Variants in NCKAP5 observed in about 807,000 individuals in gnomAD.
NCKAP5 encodes the protein NCK associated protein 5.
In NCKAP5, 92 loss-of-function variants were observed where a neutral mutation model predicts 167.0. The ratio of observed to expected loss-of-function variants is 0.55; its 90% confidence interval spans 0.47 to 0.66. NCKAP5 has a LOEUF of 0.66. Ranked by LOEUF, NCKAP5 falls within the 30% of genes least tolerant of loss-of-function variation. NCKAP5 has a pLI of 0.00. For missense variants in NCKAP5, 2,378 were observed against 2,315.0 expected, an observed-to-expected ratio of 1.03 and a Z score of -0.56; for synonymous variants, 891 against 877.4, an observed-to-expected ratio of 1.02 and a Z score of -0.27.
intron 16 of NCKAP5, among the ~76,000 whole-genome samples, chr2:132,752,756 C>T (rs372094200): frequency 6.6e-6 from 1 of 152,112 alleles, no homozygotes; most frequent in African/African-American, 2.4e-5. Flanking sequence ...GATACCAAAG[C>T]GGACAATTCC....
intron 11 of NCKAP5, among the ~76,000 whole-genome samples, chr2:132,828,982 C>A (rs115161510): frequency 6.6e-6 from 1 of 152,052 alleles, no homozygotes; most frequent in African/African-American, 2.4e-5. Context: ...GCTCAACTGT[C>A]GGCTAGGAGA....
chr2:133,525,635 T>A (rs1361824826), intron 2 of NCKAP5, among the ~76,000 whole-genome samples: 1 of 152,246 alleles, frequency 6.6e-6, no homozygotes, highest in African/African-American at 2.4e-5. Context: ...TATTGAGATA[T>A]AATTCGTATA....
intron 2 of NCKAP5, among the ~76,000 whole-genome samples, chr2:133,555,107 A>C (rs1402880143): frequency 6.6e-6 from 1 of 152,176 alleles, no homozygotes; most frequent in African/African-American, 2.4e-5. Context: ...TACAATTCTC[A>C]TAATTAGTTC....
At chr2:133,614,210 G>A in the NCKAP5 span, among the ~76,000 whole-genome samples, 1 of 152,136 alleles carries the variant, frequency 6.6e-6, no homozygotes, top group African/African-American at 2.4e-5. Flanking sequence ...CGTGGTCTGG[G>A]GCAAGTTCTC....
At chr2:132,792,064 G>GT (rs1684119196) in intron 12 of NCKAP5, among the ~76,000 whole-genome samples, 1 of 146,290 alleles carries the variant, frequency 6.8e-6, no homozygotes, top group African/African-American at 2.6e-5. Flanking sequence ...GTTTTGTTTT[G>GT]TTTTTCAGAT....
At chr2:133,581,162 G>T in the NCKAP5 span, among the ~76,000 whole-genome samples, 2 of 152,130 alleles carry the variant, frequency 1.3e-5, no homozygotes, top group African/African-American at 4.8e-5. Context: ...GACGACATCT[G>T]TTTCCAACTC....
intron 5 of NCKAP5, among the ~76,000 whole-genome samples, chr2:133,139,464 C>T (rs921200190): frequency 2.0e-5 from 3 of 152,094 alleles, no homozygotes; most frequent in African/African-American, 7.2e-5. Context: ...AGGCAAAGGG[C>T]ACAGTTTTTG....
chr2:133,016,856 T>C (rs1281677082), intron 6 of NCKAP5, among the ~76,000 whole-genome samples: 1 of 152,210 alleles, frequency 6.6e-6, no homozygotes, highest in Non-Finnish European at 1.5e-5. Flanking sequence ...TTAATAGATG[T>C]GGCAATGCAA....
chr2:133,474,718 G>T (rs946620311), intron 3 of NCKAP5, among the ~76,000 whole-genome samples: 4 of 151,780 alleles, frequency 2.6e-5, no homozygotes, highest in African/African-American at 9.7e-5. Context: ...TAAAAGGGCA[G>T]CCTCTATCTC....
intron 11 of NCKAP5, among the ~76,000 whole-genome samples, chr2:132,849,577 G>A (rs1252459538): frequency 6.6e-6 from 1 of 152,200 alleles, no homozygotes; most frequent in Non-Finnish European, 1.5e-5. Context: ...CCCTGCCACA[G>A]AGATGCAGGT....
In NCKAP5 at chr2:132,728,815, C is replaced by T. The variant is rs1690710416; in HGVS notation, c.5580+1G>A. ...ACCCTTCACCTCCCCCGACCCCTCA[C>T]CTGGGTCCCGGTGGCAGCAACTTCA... On this transcript the variant is annotated splice_donor_variant, in intron 18 of 19. Transcript: ENST00000409261. LOFTEE classifies it high-confidence loss of function. 1.2e-6 allele frequency: 2 copies of T among 1,613,662 alleles called. No homozygotes were observed. Among genetic ancestry groups the T allele is most frequent in the Non-Finnish European group, 1.7e-6 (2 of 1,179,798 alleles).
At chr2:133,143,388 C>T (rs185641969) in intron 5 of NCKAP5, among the ~76,000 whole-genome samples, 215 of 152,210 alleles carry the variant, frequency 1.4e-3, no homozygotes, top group South Asian at 2.5e-3. Flanking sequence ...AAATTACAAA[C>T]GGTTCAGTGT....
At chr2:133,469,403 T>A (rs1316348477) in intron 3 of NCKAP5, among the ~76,000 whole-genome samples, 3 of 152,178 alleles carry the variant, frequency 2.0e-5, no homozygotes. Flanking sequence ...TGGGCTTCCC[T>A]TTGAGGGTAA....
chr2:133,653,931 A>G, the NCKAP5 span, among the ~76,000 whole-genome samples: 1 of 152,220 alleles, frequency 6.6e-6, no homozygotes, highest in African/African-American at 2.4e-5. Flanking sequence ...TGTTATTATT[A>G]CAATTTTACT....
intron 8 of NCKAP5, among the ~76,000 whole-genome samples, chr2:132,936,288 A>G (rs1377556536): frequency 6.6e-6 from 1 of 152,166 alleles, no homozygotes. Context: ...AGACTGGAAT[A>G]TTTTCTATAT....
intron 6 of NCKAP5, among the ~76,000 whole-genome samples, chr2:133,031,970 G>A (rs1420157547): frequency 6.6e-6 from 1 of 152,056 alleles, no homozygotes. Context: ...TGATGCCCAG[G>A]TACTATGTAG....
At chr2:132,712,452 C>A (rs919717303) in intron 19 of NCKAP5, among the ~76,000 whole-genome samples, 4 of 152,086 alleles carry the variant, frequency 2.6e-5, no homozygotes, top group Non-Finnish European at 4.4e-5. Flanking sequence ...GAGATTGGGA[C>A]CATCCTGGCT....
At chr2:133,096,237 T>A (rs187862472) in intron 6 of NCKAP5, among the ~76,000 whole-genome samples, 5 of 152,216 alleles carry the variant, frequency 3.3e-5, no homozygotes, top group African/African-American at 4.8e-5. Context: ...ACACATGTAA[T>A]CCCAGCACTT....
chr2:132,856,442 G>A lies in NCKAP5; in HGVS notation c.807+4050C>T, dbSNP rs561830339. 2.0e-5 allele frequency among the ~76,000 whole-genome samples: 3 copies of A among 152,238 alleles called. No homozygotes were observed. The East Asian group carries it at 5.8e-4, about 29-fold the overall frequency. On this transcript the variant is annotated intron_variant, in intron 11 of 19. Transcript: ENST00000409261. ...AAAGTCCGCATTCTAAGAAGTAACA[G>A]CAAATTTTTGCACCTTGGTTCTAAG...
Sources: allele counts gnomAD v4.1 joint callset (sites outside exome capture counted in the v4.1 genomes callset), GRCh38; gene constraint gnomAD v4.1.1; transcripts MANE v1.5; gene names NCBI Gene and HGNC (gene_info 2026-07-23, HGNC 2026-07-21).